Variants in RARB observed in about 807,000 individuals in gnomAD.
RARB encodes the protein retinoic acid receptor beta.
RARB carries 17 observed loss-of-function variants against 51.9 expected under a neutral mutation model. The observed-to-expected ratio is 0.33, with a 90% CI of 0.22 to 0.49. RARB has a LOEUF of 0.49. RARB is among the 20% of genes least tolerant of loss of function. RARB has a pLI of 0.99. For missense variants in RARB, 369 were observed against 550.8 expected, an observed-to-expected ratio of 0.67 and a Z score of 3.30; for synonymous variants, 215 against 195.4, an observed-to-expected ratio of 1.10 and a Z score of -0.84.
chr3:25,543,343 T>A (rs12638229), intron 3 of RARB, among the ~76,000 whole-genome samples: 28,000 of 152,094 alleles, frequency 0.18, 2,924 homozygotes, highest in African/African-American at 0.3. Flanking sequence ...AAGAATTTTT[T>A]CCTAAAGGCA....
intron 5 of RARB, among the ~76,000 whole-genome samples, chr3:25,300,568 A>G (rs1362396502): frequency 1.3e-5 from 2 of 152,238 alleles, no homozygotes; most frequent in African/African-American, 4.8e-5. Context: ...GAAGAACAGA[A>G]GGAACCAAAG....
At chr3:25,238,955 G>A (rs917739846) in intron 5 of RARB, among the ~76,000 whole-genome samples, 10 of 150,408 alleles carry the variant, frequency 6.6e-5, no homozygotes, top group Admixed American at 5.9e-4. Context: ...CTCCAGCCGG[G>A]GCAGCAGAGC....
At chr3:25,530,506 C>G (rs192776990) in intron 3 of RARB, among the ~76,000 whole-genome samples, 17 of 152,336 alleles carry the variant, frequency 1.1e-4, no homozygotes, top group Middle Eastern at 3.4e-3. Context: ...AAACCACTTT[C>G]TTGTCATTTC....
intron 3 of RARB, among the ~76,000 whole-genome samples, chr3:25,511,159 G>T (rs927554363): frequency 6.6e-6 from 1 of 151,574 alleles, no homozygotes; most frequent in Non-Finnish European, 1.5e-5. Context: ...TTGAGATGGC[G>T]TCTTGCTCTG....
At chr3:25,189,938 C>T (rs1007791261) in intron 5 of RARB, among the ~76,000 whole-genome samples, 1 of 151,880 alleles carries the variant, frequency 6.6e-6, no homozygotes, top group Admixed American at 6.6e-5. Flanking sequence ...CTGTGTGATC[C>T]CCGGATAAAC....
Position 25,106,462 on chromosome 3 carries a change from T to TG in RARB, c.-327-25699_-327-25698insG, listed in dbSNP as rs1559468545. The stretch of plus-strand genomic sequence containing the variant: ...AGCTACTGTTTTTTGTTTTTTGTTT[T>TG]TTTTTGTTTTGTTTTTTTTTTGTAG... On this transcript the variant is annotated intron_variant, in intron 3 of 11. Transcript: ENST00000383772. Among the ~76,000 whole-genome samples the TG allele has an allele frequency of 5.1e-3, 650 of 126,276 alleles. 33 individuals are homozygous for TG. Among genetic ancestry groups the TG allele is most frequent in the African/African-American group, 0.02 (635 of 32,266 alleles). The allele number at this position is 126,276 out of a possible 152,430, so 82.8% of individuals were successfully genotyped here. A position where few individuals can be genotyped will look rare whatever the true frequency, so the allele number is the denominator to read the frequency against.
At chr3:25,100,954 C>T (rs555591365) in intron 3 of RARB, among the ~76,000 whole-genome samples, 6 of 152,252 alleles carry the variant, frequency 3.9e-5, no homozygotes, top group South Asian at 2.1e-4. Context: ...AGCTGAGGCA[C>T]AAATCATGCA....
At chr3:25,213,283 T>C (rs1701743216) in intron 5 of RARB, among the ~76,000 whole-genome samples, 1 of 152,196 alleles carries the variant, frequency 6.6e-6, no homozygotes, top group Admixed American at 6.5e-5. Flanking sequence ...TGTACAGCTT[T>C]CTTTTGTACA....
chr3:25,385,249 G>T (rs929560519), intron 5 of RARB, among the ~76,000 whole-genome samples: 3 of 152,134 alleles, frequency 2.0e-5, no homozygotes, highest in Admixed American at 6.6e-5. Context: ...ATTTGCCAAA[G>T]ATCCACAGAA....
chr3:25,204,225 A>C (rs151284580), intron 5 of RARB, among the ~76,000 whole-genome samples: 1 of 152,202 alleles, frequency 6.6e-6, no homozygotes, highest in Non-Finnish European at 1.5e-5. Flanking sequence ...CGAATCAGCT[A>C]CTGAAGCTTG....
chr3:25,271,141 T>C (rs747938073), intron 5 of RARB, among the ~76,000 whole-genome samples: 7 of 152,234 alleles, frequency 4.6e-5, no homozygotes, highest in Non-Finnish European at 1.0e-4. Flanking sequence ...GTCAGAGATA[T>C]TACACCAACC....
intron 5 of RARB, among the ~76,000 whole-genome samples, chr3:25,182,571 A>G (rs73054309): frequency 0.081 from 12,408 of 152,270 alleles, 670 homozygotes; most frequent in Non-Finnish European, 0.12. Flanking sequence ...TATTTAACAC[A>G]TAAGGGTTGT....
At chr3:25,569,981 G>GACACACACACACACAC in intron 4 of RARB, 63 bp downstream of exon 4, 1 of 1,068,362 alleles carries the variant, frequency 9.4e-7, no homozygotes, top group Non-Finnish European at 1.3e-6. Flanking sequence ...CATGTGTGCA[G>GACACACACACACACAC]ACACACACAC....
intron 2 of RARB, among the ~76,000 whole-genome samples, chr3:24,956,854 T>TG (rs1421075644): frequency 6.6e-6 from 1 of 152,154 alleles, no homozygotes; most frequent in Non-Finnish European, 1.5e-5. Flanking sequence ...GAAAGTTCCT[T>TG]GGGTTCTATG....
chr3:24,992,867 C>A (rs1696943025), intron 2 of RARB, among the ~76,000 whole-genome samples: 1 of 148,582 alleles, frequency 6.7e-6, no homozygotes. Flanking sequence ...AGGACTTCAA[C>A]ATACAAATTT....
chr3:25,280,542 C>T (rs1703498156), intron 5 of RARB, among the ~76,000 whole-genome samples: 1 of 152,100 alleles, frequency 6.6e-6, no homozygotes, highest in African/African-American at 2.4e-5. Context: ...AGACTTTTCA[C>T]AGAACATGGG....
At chr3:25,385,527 G>A (rs1002938586) in intron 5 of RARB, among the ~76,000 whole-genome samples, 2 of 152,140 alleles carry the variant, frequency 1.3e-5, no homozygotes, top group South Asian at 2.1e-4. Flanking sequence ...CCCCAAATGA[G>A]CATCCCTGGA....
chr3:24,969,103 G>C (rs1310763110), intron 2 of RARB, among the ~76,000 whole-genome samples: 1 of 151,768 alleles, frequency 6.6e-6, no homozygotes, highest in African/African-American at 2.4e-5. Context: ...ACAAAATTTT[G>C]AATAAATGGT....
At position 25,222,353 on chromosome 3, in the gene RARB, C is replaced by G. The variant is rs6764236; in HGVS notation, c.178+47778C>G. Among the ~76,000 whole-genome samples the G allele has an allele frequency of 6.9e-3, 1,048 of 152,248 alleles. 12 individuals are homozygous for G. Among genetic ancestry groups the G allele is most frequent in the African/African-American group, 0.024 (996 of 41,560 alleles). ...GTTTTTCTTTCTTATTGCTGATGTT[C>G]TTACTCGTCCAAGGATGTTTGACTT... On this transcript the variant is annotated intron_variant, in intron 5 of 11. Coordinates refer to the RARB transcript ENST00000383772.
Sources: allele counts gnomAD v4.1 joint callset (sites outside exome capture counted in the v4.1 genomes callset), GRCh38; gene constraint gnomAD v4.1.1; transcripts MANE v1.5; gene names NCBI Gene and HGNC (gene_info 2026-07-23, HGNC 2026-07-21).